CHD1L: variants seen among roughly 807,000 people sequenced by gnomAD.
The protein encoded by CHD1L is ATP-dependent chromatin remodeler CHD1L.
A neutral mutation model predicts 115.9 loss-of-function variants in CHD1L; 118 were observed. That is an observed-to-expected ratio of 1.02 (90% CI 0.88 to 1.19). CHD1L has a LOEUF of 1.19. CHD1L is among the 50% of genes most tolerant of loss of function. The pLI is 0.00. For synonymous variants in CHD1L, 411 were observed against 387.1 expected (o/e 1.06, Z -0.72); for missense variants, 1,179 against 1,065.3 (o/e 1.11, Z -1.49).
the CHD1L span, among the ~76,000 whole-genome samples, chr1:147,191,231 C>T: frequency 0.037 from 5,599 of 152,028 alleles, 156 homozygotes; most frequent in South Asian, 0.095. Flanking sequence ...ATGGTACTTC[C>T]AGTTCTAGAT....
the CHD1L span, among the ~76,000 whole-genome samples, chr1:147,223,258 C>T: frequency 2.0e-5 from 3 of 152,068 alleles, no homozygotes; most frequent in African/African-American, 7.2e-5. Context: ...GGCTTTTAGC[C>T]CATGTCCAAG....
At position 147,291,508 on chromosome 1, in the gene CHD1L, T is replaced by A. The variant is rs782054927; in HGVS notation, c.2347T>A (p.Phe783Ile). The A allele has an allele frequency of 1.2e-6, 2 of 1,613,946 alleles. No homozygotes were observed. The highest frequency in any genetic ancestry group is 2.7e-5 in the African/African-American group (2 of 74,908). Residue 783 changes from phenylalanine (F) to isoleucine (I), a missense_variant, in exon 20 of 23, where the codon TTT (phenylalanine) becomes ATT (isoleucine). By Grantham distance (21) the Phe-to-Ile change is conservative. Transcript: ENST00000369258. ...CCTGAGTTTGGGAGGTGTCCTTTTATTTCCTGTTGATGATAAAGAATCAAG... is the reference window on the plus strand; with the variant it reads ...CCTGAGTTTGGGAGGTGTCCTTTTAATTCCTGTTGATGATAAAGAATCAAG... ...KDLSLGGVLLFPVDDKESRNK... is the reference protein window; with the variant it reads ...KDLSLGGVLLIPVDDKESRNK...
At chr1:147,254,107 G>A (rs1203689741) in intron 2 of CHD1L, among the ~76,000 whole-genome samples, 2 of 152,054 alleles carry the variant, frequency 1.3e-5, no homozygotes, top group African/African-American at 2.4e-5. Context: ...ACACATTTTT[G>A]TTTTAAAATA....
chr1:147,192,833 G>A, the CHD1L span, among the ~76,000 whole-genome samples: 1 of 152,116 alleles, frequency 6.6e-6, no homozygotes, highest in Non-Finnish European at 1.5e-5. Context: ...TGTGTATGTT[G>A]AACCAGCCTT....
Position 147,272,169 on chromosome 1 carries a change from AG to A in CHD1L, c.1160del. ...TTTCTGTTTTTCTTCCTCTCTGTAA[AG>A]GCTACAGCTATGAGCGTGTGGATGG... On this transcript the variant is annotated splice_acceptor_variant, in intron 11 of 22. Coordinates refer to ENST00000369258, the MANE Select transcript of CHD1L (RefSeq NM_004284.6). LOFTEE classifies it high-confidence loss of function. 2 of 1,609,104 alleles carry A rather than the reference AG, an allele frequency of 1.2e-6. No individual in the cohort carries two copies. Among genetic ancestry groups the A allele is most frequent in the Non-Finnish European group, 1.7e-6 (2 of 1,177,118 alleles).
chr1:147,269,398 CTG>C (rs1553951123), intron 10 of CHD1L, among the ~76,000 whole-genome samples: 1 of 152,170 alleles, frequency 6.6e-6, no homozygotes, highest in Non-Finnish European at 1.5e-5. Flanking sequence ...GAGCCAGGCA[CTG>C]TGGCTCGCGC....
chr1:147,203,386 G>A, the CHD1L span: 3 of 1,059,498 alleles, frequency 2.8e-6, no homozygotes, highest in Admixed American at 3.4e-5. Context: ...TGCAGCATTA[G>A]CAGCGAGTTT....
chr1:147,252,527 A>C, intron 1 of CHD1L, 96 bp from the exon 2 acceptor site: 1 of 909,432 alleles, frequency 1.1e-6, no homozygotes, highest in Non-Finnish European at 1.7e-6. Flanking sequence ...GGGTTATGTG[A>C]ATTTAGGCTG....
At chr1:147,267,553 T>C (rs1227518436) in intron 9 of CHD1L, 35 bp downstream of exon 9, 2 of 1,524,886 alleles carry the variant, frequency 1.3e-6, no homozygotes, top group Non-Finnish European at 1.8e-6. Flanking sequence ...CATTATTCTT[T>C]GGTAATGTTT....
Position 147,275,405 on chromosome 1 carries a change from G to GT in CHD1L, c.1323dup (p.Asp442Ter). On this transcript the variant is annotated frameshift_variant, in exon 13 of 23. Transcript: ENST00000369258. LOFTEE classifies it high-confidence loss of function. ...GCAGATACTGTGATTTTTGTTGACAGTGACTTTAATCCTCAGAATGACTTG... is the reference window on the plus strand; with the variant it reads ...GCAGATACTGTGATTTTTGTTGACAGTTGACTTTAATCCTCAGAATGACTTG... The GT allele has an allele frequency of 6.2e-7, 1 of 1,614,156 alleles. No individual in the cohort carries two copies. Among genetic ancestry groups the GT allele is most frequent in the Non-Finnish European group, 8.5e-7 (1 of 1,179,996 alleles).
chr1:147,294,328 A>G (rs1686739860), intron 21 of CHD1L, 81 bp from the exon 22 acceptor site: 2 of 894,404 alleles, frequency 2.2e-6, no homozygotes, highest in Non-Finnish European at 1.7e-6. Flanking sequence ...GATAGTCAAT[A>G]ATAATTTTCT....
chr1:147,263,660 C>A (rs1336661357), intron 6 of CHD1L, among the ~76,000 whole-genome samples: 1 of 151,706 alleles, frequency 6.6e-6, no homozygotes, highest in African/African-American at 2.4e-5. Flanking sequence ...ATTTGAGATT[C>A]TCTGTGATCT....
intron 13 of CHD1L, 122 bp downstream of exon 13, chr1:147,275,590 C>T: frequency 1.4e-6 from 1 of 703,854 alleles, no homozygotes; most frequent in Non-Finnish European, 2.5e-6. Flanking sequence ...CAGGTTTTAG[C>T]TCATCTGTGC....
Position 147,255,887 on chromosome 1 carries a change from A to T in CHD1L, c.422A>T (p.Lys141Ile). The T allele has an allele frequency of 6.2e-7, 1 of 1,613,904 alleles. No individual in the cohort carries two copies. Among genetic ancestry groups the T allele is most frequent in the Middle Eastern group, 1.6e-4 (1 of 6,062 alleles). Residue 141 changes from lysine (K) to isoleucine (I), a missense_variant, in exon 4 of 23, where the codon AAA (lysine) becomes ATA (isoleucine). By Grantham distance (102) the Lys-to-Ile change is moderately radical. Transcript: ENST00000369258. Reference sequence around the variant, plus strand: ...AGAGCCTGCCTTCAGCAAGACCTGAAACAGGAGTCACGTTTTCATGTGCTA... The same window carrying T: ...AGAGCCTGCCTTCAGCAAGACCTGATACAGGAGTCACGTTTTCATGTGCTA... ...EERACLQQDL[K>I]QESRFHVLLT... is the part of the protein sequence containing the mutation.
At chr1:147,248,017 T>C (rs1443176389) in intron 1 of CHD1L, among the ~76,000 whole-genome samples, 1 of 152,188 alleles carries the variant, frequency 6.6e-6, no homozygotes, top group Admixed American at 6.5e-5. Context: ...TGATTATGTG[T>C]TCAGAATGCC....
chr1:147,254,601 A>G (rs1553938647), intron 2 of CHD1L, among the ~76,000 whole-genome samples: 1 of 152,190 alleles, frequency 6.6e-6, no homozygotes, highest in Non-Finnish European at 1.5e-5. Flanking sequence ...TCTTTACAGT[A>G]GAGGTTCAAT....
chr1:147,265,359 TATTC>T (rs1466719542), intron 7 of CHD1L, among the ~76,000 whole-genome samples: 1 of 152,232 alleles, frequency 6.6e-6, no homozygotes. Flanking sequence ...GTTAAAAAGT[TATTC>T]ATTATTTATT....
upstream of CHD1L, chr1:147,242,626 G>C (rs1665037572): frequency 4.1e-6 from 5 of 1,230,022 alleles, no homozygotes; most frequent in Middle Eastern, 3.1e-4. Flanking sequence ...CCAGCGCGCA[G>C]TCGCGCGCCC....
At chr1:147,206,827 GGATGTAAATGACA>G in the CHD1L span, among the ~76,000 whole-genome samples, 1 of 29,614 alleles carries the variant, frequency 3.4e-5, no homozygotes, top group African/African-American at 7.4e-4. Context: ...ACAAGTTAAT[GGATGTAAATGACA>G]AGTTAATGGG....
Sources: allele counts gnomAD v4.1 joint callset (sites outside exome capture counted in the v4.1 genomes callset), GRCh38; gene constraint gnomAD v4.1.1; transcripts MANE v1.5; gene names NCBI Gene and HGNC (gene_info 2026-07-23, HGNC 2026-07-21).